IFI30: variants seen among roughly 807,000 people sequenced by gnomAD.
The protein encoded by IFI30 is IFI30 lysosomal thiol reductase.
IFI30 carries 26 observed loss-of-function variants against 30.1 expected under a neutral mutation model. The observed-to-expected ratio is 0.87, with a 90% CI of 0.63 to 1.20. The LOEUF is 1.20. Ranked by LOEUF, IFI30 falls within the 50% of genes most tolerant of loss-of-function variation. The pLI is 0.00. For missense variants in IFI30, 296 were observed against 312.5 expected, an observed-to-expected ratio of 0.95 and a Z score of 0.40; for synonymous variants, 149 against 134.5, an observed-to-expected ratio of 1.11 and a Z score of -0.75.
In IFI30 at chr19:18,177,836, C is replaced by A. The variant is rs1454477557; in HGVS notation, c.691-13C>A. The A allele has an allele frequency of 6.2e-7, 1 of 1,604,452 alleles. No individual in the cohort carries two copies. The highest frequency in any genetic ancestry group is 1.3e-5 in the African/African-American group (1 of 74,776). On this transcript the variant is annotated splice_polypyrimidine_tract_variant and intron_variant, in intron 6 of 6. Transcript: ENST00000407280. ...CTCCTTCCAGGACCCCAACTCATGG[C>A]CTTCACCTCCAGGGCAAGAAGCCGG...
chr19:18,177,843 C>T lies in IFI30; in HGVS notation c.691-6C>T, dbSNP rs367547762. On this transcript the variant is annotated splice_polypyrimidine_tract_variant and splice_region_variant and intron_variant, in intron 6 of 6. Transcript: ENST00000407280. ...CAGGACCCCAACTCATGGCCTTCAC[C>T]TCCAGGGCAAGAAGCCGGATGTCTG... 35 of 1,603,756 alleles carry T rather than the reference C, an allele frequency of 2.2e-5. No homozygotes were observed. The Admixed American group carries it at 4.5e-4, about 20-fold the overall frequency.
chr19:18,174,163 T>C, intron 1 of IFI30, 190 bp downstream of exon 1: 1 of 572,472 alleles, frequency 1.7e-6, no homozygotes, highest in South Asian at 2.3e-5. Flanking sequence ...GCCGTTTCGC[T>C]TTCGCATCCC....
At chr19:18,174,086 G>T (rs1398385962) in intron 1 of IFI30, 113 bp downstream of exon 1, 9 of 1,016,186 alleles carry the variant, frequency 8.9e-6, no homozygotes, top group Admixed American at 3.0e-5. Context: ...CCGAGGGGAC[G>T]CTGTCCCTGC....
chr19:18,175,851 A>T lies in IFI30; in HGVS notation c.483+154A>T, dbSNP rs1180945465. Among the ~76,000 whole-genome samples the T allele has an allele frequency of 6.6e-5, 10 of 151,682 alleles. No individual in the cohort carries two copies. The South Asian group carries it at 2.1e-3, about 32-fold the overall frequency. ...CCTTCTTTATTTTATTTATTTTTTTATTTTTTCTTGAGACAGAGTCTCGCT... is the reference window on the plus strand; with the variant it reads ...CCTTCTTTATTTTATTTATTTTTTTTTTTTTTCTTGAGACAGAGTCTCGCT... On this transcript the variant is annotated intron_variant, in intron 4 of 6. Coordinates refer to ENST00000407280, the MANE Select transcript of IFI30 (RefSeq NM_006332.5).
Position 18,175,238 on chromosome 19 carries a change from G to A in IFI30, c.315+16G>A. On this transcript the variant is annotated intron_variant, in intron 2 of 6. Transcript: ENST00000407280. ...AAACGCACAGGTGTGTGGGCGCTGG[G>A]GAAACTGAGGCACGTGGGCAGGGGA... 6.3e-7 allele frequency: 1 copy of A among 1,577,284 alleles called. No individual in the cohort carries two copies. Among genetic ancestry groups the A allele is most frequent in the Non-Finnish European group, 8.6e-7 (1 of 1,162,108 alleles).
rs1235462239 is a variant in IFI30 at position 18,175,361 on chromosome 19, G to A, written c.366G>A (p.Glu122=). The change falls in exon 3 of 7, where the codon GAG becomes GAA. Residue 122 remains glutamate, a synonymous_variant. Transcript: ENST00000407280. ...RWEFKCQHGE[E]ECKFNKVEAC... is the part of the protein sequence containing the mutation. Reference sequence around the variant, plus strand: ...AGTTCAAGTGCCAGCATGGAGAAGAGGAGTGCAAATTCAACAAGGTGGAGG... The same window carrying A: ...AGTTCAAGTGCCAGCATGGAGAAGAAGAGTGCAAATTCAACAAGGTGGAGG... The A allele has an allele frequency of 6.3e-7, 1 of 1,593,036 alleles. No individual in the cohort carries two copies. The highest frequency in any genetic ancestry group is 8.5e-7 in the Non-Finnish European group (1 of 1,170,516).
rs766690181 is a variant in IFI30, at chr19:18,175,030, T to G, written c.133-10T>G. The G allele has an allele frequency of 1.9e-6, 3 of 1,612,178 alleles. No homozygotes were observed. The South Asian group carries it at 3.3e-5, about 18-fold the overall frequency. On this transcript the variant is annotated splice_polypyrimidine_tract_variant and intron_variant, in intron 1 of 6. Coordinates refer to ENST00000407280, the MANE Select transcript of IFI30 (RefSeq NM_006332.5). ...GCTACACCTGCCTCCCACGCCTTCCTAATCCACAGACAGGCAATCTATACC... is the reference window on the plus strand; with the variant it reads ...GCTACACCTGCCTCCCACGCCTTCCGAATCCACAGACAGGCAATCTATACC...
chr19:18,174,049 C>A, intron 1 of IFI30, 76 bp downstream of exon 1: 1 of 1,378,394 alleles, frequency 7.3e-7, no homozygotes, highest in Non-Finnish European at 9.8e-7. Context: ...TCTTTCTCCC[C>A]AGACTTCACA....
intron 1 of IFI30, 41 bp from the exon 2 acceptor site, chr19:18,174,999 C>T (rs1967248843): frequency 1.9e-6 from 3 of 1,560,690 alleles, no homozygotes; most frequent in African/African-American, 1.4e-5. Flanking sequence ...TGGGGAACTG[C>T]CCAGGGCTAC....
Position 18,177,990 on chromosome 19 carries a change from G to A in IFI30, c.*79G>A, listed in dbSNP as rs1967294167. The A allele has an allele frequency of 1.5e-5, 21 of 1,438,716 alleles. No individual in the cohort carries two copies. The highest frequency in any genetic ancestry group is 2.8e-5 in the African/African-American group (2 of 70,666). The allele number at this position is 1,438,716 out of a possible 1,614,324, so 89.1% of individuals were successfully genotyped here. ...GCCTTTTTTTCTGATCCAGACCCTC[G>A]GCACCTGCTACTTACCAACTGGAAA... On this transcript the variant is annotated 3_prime_UTR_variant, in exon 7 of 7. Coordinates refer to ENST00000407280, the MANE Select transcript of IFI30 (RefSeq NM_006332.5).
At position 18,175,881 on chromosome 19, in the gene IFI30, C is replaced by T. The variant is rs200374; in HGVS notation, c.483+184C>T. On this transcript the variant is annotated intron_variant, in intron 4 of 6. Transcript: ENST00000407280. ...TTCTTGAGACAGAGTCTCGCTCTGT[C>T]GCCCAGGCTGGAATGCAGTGGCGCA... is the stretch of plus-strand genomic sequence containing the variant. 2.6e-3 allele frequency among the ~76,000 whole-genome samples: 389 copies of T among 152,254 alleles called. 1 individual carries two copies. Among genetic ancestry groups the T allele is most frequent in the Non-Finnish European group, 3.5e-3 (240 of 68,022 alleles).
rs1435068711 is a variant in IFI30, at chr19:18,173,985, G to C, written c.132+12G>C. The C allele has an allele frequency of 6.5e-7, 1 of 1,547,658 alleles. No homozygotes were observed. Among genetic ancestry groups the C allele is most frequent in the Non-Finnish European group, 8.7e-7 (1 of 1,145,386 alleles). ...CAGTTAACTACAAGGTAGGGACGGC[G>C]ACAGGGCGGGCAGGCTGGAGGGAAC... On this transcript the variant is annotated intron_variant, in intron 1 of 6. Coordinates refer to ENST00000407280, the MANE Select transcript of IFI30 (RefSeq NM_006332.5).
intron 1 of IFI30, chr19:18,174,258 G>A: frequency 2.3e-5 from 8 of 345,764 alleles, no homozygotes; most frequent in Non-Finnish European, 3.7e-5. Flanking sequence ...TGGGGCAGGA[G>A]CTGGGGTCTC....
intron 1 of IFI30, 59 bp downstream of exon 1, chr19:18,174,032 G>A: frequency 1.4e-6 from 2 of 1,474,710 alleles, no homozygotes; most frequent in Admixed American, 2.2e-5. Flanking sequence ...CGGGGCACGC[G>A]GCTCCTTCTT....
At chr19:18,175,467 T>G (rs369316180) in intron 3 of IFI30, 82 bp downstream of exon 3, 3 of 1,428,734 alleles carry the variant, frequency 2.1e-6, no homozygotes. Flanking sequence ...GCCAGCTCTG[T>G]CTTCTGCCTC....
chr19:18,173,852 C>T lies in IFI30; in HGVS notation c.11C>T (p.Ser4Leu), dbSNP rs1967230888. ...TTTGCCCCTGCTGCGATGACCCTGT[C>T]GCCACTTCTGCTGTTCCTGCCACCG... Reference protein sequence around the residue: MTLSPLLLFLPPLL... With the variant: MTLLPLLLFLPPLL... Residue 4 changes from serine to leucine, a missense_variant, in exon 1 of 7, where the codon TCG (serine) becomes TTG (leucine). Ser to Leu is a moderately radical substitution (Grantham distance 145, BLOSUM62 -2). Coordinates refer to ENST00000407280, the MANE Select transcript of IFI30 (RefSeq NM_006332.5). 4.5e-6 allele frequency: 7 copies of T among 1,547,910 alleles called. No homozygotes were observed. Among genetic ancestry groups the T allele is most frequent in the African/African-American group, 4.1e-5 (3 of 73,128 alleles).
In IFI30 at chr19:18,177,215, C is replaced by T. The variant is rs987656788; in HGVS notation, c.559C>T (p.Leu187Phe). Residue 187 changes from leucine to phenylalanine, a missense_variant, in exon 5 of 7, where the codon CTC becomes TTC. Physicochemically the swap from Leu to Phe is conservative, Grantham distance 22 (BLOSUM62 0). Transcript: ENST00000407280. ...TGCAATGGGGGACCGCGGCATGCAG[C>T]TCATGCACGCCAACGCCCAGCGGAC... is the stretch of plus-strand genomic sequence containing the variant. Reference protein sequence around the residue: ...ECAMGDRGMQLMHANAQRTDA... With the variant: ...ECAMGDRGMQFMHANAQRTDA... The T allele has an allele frequency of 1.9e-6, 3 of 1,588,568 alleles. No homozygotes were observed. Among genetic ancestry groups the T allele is most frequent in the Non-Finnish European group, 2.6e-6 (3 of 1,167,782 alleles).
chr19:18,173,921 C>T lies in IFI30; in HGVS notation c.80C>T (p.Ser27Phe), dbSNP rs1284842043. 1 of 1,551,562 alleles carries T rather than the reference C, an allele frequency of 6.4e-7. No homozygotes were observed. ...GTCCCCACGGCGGCGGTGCAGGCGTCCCCTCTGCAAGCGTTAGACTTCTTT... is the reference window on the plus strand; with the variant it reads ...GTCCCCACGGCGGCGGTGCAGGCGTTCCCTCTGCAAGCGTTAGACTTCTTT... ...LDVPTAAVQA[S>F]PLQALDFFGN... is the part of the protein sequence containing the mutation. The change falls in exon 1 of 7, where the codon TCC becomes TTC. Residue 27 changes from serine (S) to phenylalanine (F), a missense_variant. Transcript: ENST00000407280.
chr19:18,177,776 G>A lies in IFI30; in HGVS notation c.690+12G>A. 5 of 1,613,302 alleles carry A rather than the reference G, an allele frequency of 3.1e-6. No homozygotes were observed. Among genetic ancestry groups the A allele is most frequent in the Non-Finnish European group, 4.2e-6 (5 of 1,179,592 alleles). ...GCCAGTTGTACCAGGTAAGCTGGGA[G>A]GGGAGCAGTGGGATTCAGGTGGTGG... On this transcript the variant is annotated intron_variant, in intron 6 of 6. Coordinates refer to ENST00000407280, the MANE Select transcript of IFI30 (RefSeq NM_006332.5).
Sources: allele counts gnomAD v4.1 joint callset (sites outside exome capture counted in the v4.1 genomes callset), GRCh38; gene constraint gnomAD v4.1.1; transcripts MANE v1.5; gene names NCBI Gene and HGNC (gene_info 2026-07-23, HGNC 2026-07-21).